Variants in EYS observed in about 807,000 individuals in gnomAD.
EYS encodes the protein protein eyes shut homolog.
EYS carries 250 observed loss-of-function variants against 282.1 expected under a neutral mutation model. The observed-to-expected ratio is 0.89, with a 90% CI of 0.80 to 0.98. The LOEUF (loss-of-function observed/expected upper bound fraction) is 0.98. EYS is among the 50% of genes least tolerant of loss of function. The probability of loss-of-function intolerance (pLI) is 0.00; values close to 1 mark genes in which losing one functional copy is unlikely to be tolerated. For synonymous variants in EYS, 1,355 were observed against 1,282.9 expected, an observed-to-expected ratio of 1.06 and a Z score of -1.20; for missense variants, 4,016 against 3,709.0, an observed-to-expected ratio of 1.08 and a Z score of -2.15.
In EYS at chr6:64,328,465, AG is replaced by A. The variant is rs1452002783; in HGVS notation, c.6079-21384del. Among the ~76,000 whole-genome samples the A allele has an allele frequency of 2.6e-5, 4 of 152,190 alleles. No individual in the cohort carries two copies. The East Asian group carries it at 7.7e-4, about 29-fold the overall frequency. On this transcript the variant is annotated intron_variant, in intron 29 of 42. Coordinates refer to ENST00000503581, the MANE Select transcript of EYS (RefSeq NM_001142800.2). ...GCCACCAATATTGGAAAAGTCTCAGAGGTCTGCCAGAAGCCAGATGAAAGTC... is the reference window on the plus strand; with the variant it reads ...GCCACCAATATTGGAAAAGTCTCAGAGTCTGCCAGAAGCCAGATGAAAGTC...
chr6:65,562,391 A>C (rs1769098675), intron 2 of EYS, among the ~76,000 whole-genome samples: 1 of 152,038 alleles, frequency 6.6e-6, no homozygotes. Context: ...CCTATAACTT[A>C]TTGTAGTGTA....
chr6:64,758,053 C>T (rs937285584), intron 22 of EYS, among the ~76,000 whole-genome samples: 1 of 152,102 alleles, frequency 6.6e-6, no homozygotes, highest in Non-Finnish European at 1.5e-5. Flanking sequence ...GGATTACAGG[C>T]GTGAGCCACT....
At chr6:64,999,663 G>C (rs1036886613) in intron 13 of EYS, among the ~76,000 whole-genome samples, 1 of 152,176 alleles carries the variant, frequency 6.6e-6, no homozygotes, top group Non-Finnish European at 1.5e-5. Flanking sequence ...TGGATGTAGT[G>C]AGAAACACAT....
At chr6:65,415,375 G>A (rs1368845869) in intron 5 of EYS, among the ~76,000 whole-genome samples, 1 of 152,046 alleles carries the variant, frequency 6.6e-6, no homozygotes, top group Non-Finnish European at 1.5e-5. Context: ...AAAAATTTGT[G>A]AAGCATTGAT....
intron 33 of EYS, among the ~76,000 whole-genome samples, chr6:64,037,136 G>T (rs1770161281): frequency 6.6e-6 from 1 of 152,126 alleles, no homozygotes; most frequent in Non-Finnish European, 1.5e-5. Flanking sequence ...ATTTTATAAT[G>T]ATTACAGTGG....
intron 2 of EYS, among the ~76,000 whole-genome samples, chr6:65,632,111 A>G (rs984019138): frequency 1.3e-5 from 2 of 151,532 alleles, no homozygotes; most frequent in African/African-American, 4.8e-5. Context: ...GCCAAAAACC[A>G]AAAAAAAATC....
intron 26 of EYS, among the ~76,000 whole-genome samples, chr6:64,588,017 G>C (rs1349803551): frequency 2.0e-5 from 3 of 152,010 alleles, no homozygotes; most frequent in Non-Finnish European, 4.4e-5. Flanking sequence ...ATAATTTTAA[G>C]ATGGAGTCTG....
intron 12 of EYS, among the ~76,000 whole-genome samples, chr6:65,189,475 T>C (rs910531371): frequency 6.6e-6 from 1 of 151,892 alleles, no homozygotes; most frequent in Non-Finnish European, 1.5e-5. Flanking sequence ...TGCTGAGTGC[T>C]TTTTTGCAGG....
At chr6:65,231,712 G>A (rs1766787425) in intron 12 of EYS, among the ~76,000 whole-genome samples, 1 of 151,772 alleles carries the variant, frequency 6.6e-6, no homozygotes, top group African/African-American at 2.4e-5. Context: ...TATCCTCTTA[G>A]TGAAAATACA....
At chr6:65,324,858 C>T (rs1334284437) in intron 11 of EYS, among the ~76,000 whole-genome samples, 2 of 152,178 alleles carry the variant, frequency 1.3e-5, no homozygotes, top group African/African-American at 2.4e-5. Flanking sequence ...GAACTGTTTC[C>T]TCACGAAGTG....
At chr6:64,048,300 T>G (rs1327402284) in intron 33 of EYS, among the ~76,000 whole-genome samples, 1 of 152,166 alleles carries the variant, frequency 6.6e-6, no homozygotes, top group Non-Finnish European at 1.5e-5. Context: ...TTTCTGTGGT[T>G]TCTGAATGTG....
At chr6:64,081,733 A>G (rs192901801) in intron 32 of EYS, 123 bp downstream of exon 32, 102 of 734,956 alleles carry the variant, frequency 1.4e-4, no homozygotes, top group Admixed American at 2.5e-4. Flanking sequence ...CTCTTTGGTA[A>G]TGCTTCATGC....
intron 22 of EYS, among the ~76,000 whole-genome samples, chr6:64,713,593 G>T (rs774163075): frequency 4.5e-4 from 69 of 152,070 alleles, no homozygotes; most frequent in Non-Finnish European, 8.4e-4. Flanking sequence ...GCGCCCTAGG[G>T]AGTATAGGGG....
At chr6:64,774,030 C>G (rs1234314650) in intron 22 of EYS, among the ~76,000 whole-genome samples, 1 of 151,914 alleles carries the variant, frequency 6.6e-6, no homozygotes, top group Non-Finnish European at 1.5e-5. Flanking sequence ...ATAATGAGGT[C>G]TTTACTGTAA....
chr6:64,469,271 T>TAATAATCCTGCTAAGC (rs1221970318), intron 26 of EYS, among the ~76,000 whole-genome samples: 2 of 152,098 alleles, frequency 1.3e-5, no homozygotes, highest in African/African-American at 4.8e-5. Flanking sequence ...ATAATAAAAC[T>TAATAATCCTGCTAAGC]AGGATGTGGG....
At chr6:63,875,516 C>A (rs572126017) in intron 35 of EYS, among the ~76,000 whole-genome samples, 57 of 152,208 alleles carry the variant, frequency 3.7e-4, no homozygotes, top group Admixed American at 1.3e-3. Context: ...CCCTCTTTTT[C>A]TATTGATTGG....
intron 5 of EYS, among the ~76,000 whole-genome samples, chr6:65,486,745 A>G (rs990705129): frequency 3.3e-5 from 5 of 152,212 alleles, no homozygotes; most frequent in African/African-American, 1.2e-4. Context: ...TGCAGTATCT[A>G]AATTTAGCCA....
intron 31 of EYS, among the ~76,000 whole-genome samples, chr6:64,223,272 T>C (rs1034164668): frequency 2.0e-5 from 3 of 152,022 alleles, no homozygotes; most frequent in Non-Finnish European, 4.4e-5. Context: ...CTACTTTCCA[T>C]TTTTGTTAGC....
chr6:65,134,444 C>T (rs766238548), intron 12 of EYS, among the ~76,000 whole-genome samples: 2 of 151,938 alleles, frequency 1.3e-5, no homozygotes, highest in African/African-American at 2.4e-5. Flanking sequence ...ATGTCCTTTG[C>T]AGGGACATGG....
Sources: allele counts gnomAD v4.1 joint callset (sites outside exome capture counted in the v4.1 genomes callset), GRCh38; gene constraint gnomAD v4.1.1; transcripts MANE v1.5; gene names NCBI Gene and HGNC (gene_info 2026-07-23, HGNC 2026-07-21).